Variants in FAT1 observed in about 807,000 individuals in gnomAD.
The protein encoded by FAT1 is protocadherin Fat 1.
In FAT1, 171 loss-of-function variants were observed where a neutral mutation model predicts 329.8. The ratio of observed to expected loss-of-function variants is 0.52; its 90% CI spans 0.46 to 0.59. FAT1 has a LOEUF of 0.59. FAT1 is among the 20% of genes least tolerant of loss of function. The pLI is 0.00. For synonymous variants in FAT1, 2,233 were observed against 2,228.6 expected (o/e 1.00, Z -0.06); for missense variants, 5,672 against 5,774.4 (o/e 0.98, Z 0.57).
At chr4:186,672,207 T>C (rs184179889) in intron 2 of FAT1, among the ~76,000 whole-genome samples, 46 of 152,316 alleles carry the variant, frequency 3.0e-4, no homozygotes, top group African/African-American at 8.4e-4. Flanking sequence ...TATACATATA[T>C]TAATAAATAA....
intron 3 of FAT1, among the ~76,000 whole-genome samples, chr4:186,658,834 G>A (rs554219757): frequency 2.0e-5 from 3 of 152,050 alleles, no homozygotes; most frequent in South Asian, 2.1e-4. Flanking sequence ...ACCCGTGAGG[G>A]CCCCTGCCAC....
chr4:186,635,748 A>G (rs901574675), intron 6 of FAT1, among the ~76,000 whole-genome samples: 3 of 152,244 alleles, frequency 2.0e-5, no homozygotes, highest in African/African-American at 7.2e-5. Flanking sequence ...CAAAACATTC[A>G]AGGCTTTTGT....
chr4:186,607,177 GAT>G (rs1739183498), intron 16 of FAT1, among the ~76,000 whole-genome samples: 1 of 152,176 alleles, frequency 6.6e-6, no homozygotes, highest in Admixed American at 6.5e-5. Flanking sequence ...TTTAATCTTA[GAT>G]ACACCCATTA....
chr4:186,699,492 A>G (rs1175399098), intron 2 of FAT1, among the ~76,000 whole-genome samples: 1 of 152,206 alleles, frequency 6.6e-6, no homozygotes, highest in African/African-American at 2.4e-5. Context: ...CTTGAAGTAT[A>G]TATGTGAATA....
At chr4:186,595,505 G>C (rs1247871990) in intron 26 of FAT1, among the ~76,000 whole-genome samples, 184 bp downstream of exon 26, 1 of 152,142 alleles carries the variant, frequency 6.6e-6, no homozygotes, top group African/African-American at 2.4e-5. Context: ...TATTCATTAA[G>C]AACAGTTTGG....
intron 11 of FAT1, among the ~76,000 whole-genome samples, chr4:186,616,485 G>A (rs903485924): frequency 5.9e-5 from 9 of 151,988 alleles, no homozygotes; most frequent in Admixed American, 2.0e-4. Flanking sequence ...CTGGCCCCAG[G>A]GACCACCCCT....
chr4:186,674,810 G>C (rs1316022407), intron 2 of FAT1, among the ~76,000 whole-genome samples: 2 of 152,268 alleles, frequency 1.3e-5, no homozygotes, highest in Admixed American at 1.3e-4. Context: ...GAGGTGGGTG[G>C]ATCACTTGAG....
rs1484209559 is a variant in FAT1 at position 186,611,650 on chromosome 4, G to C, written c.9589C>G (p.Leu3197Val). The change falls in exon 14 of 27, where the codon CTC becomes GTC. Residue 3197 changes from leucine (L) to valine (V), a missense_variant. By Grantham distance (32) the Leu-to-Val change is conservative. Transcript: ENST00000441802. ...LDRELQAVYTLSLKAVDQGLP... is the reference protein window; with the variant it reads ...LDRELQAVYTVSLKAVDQGLP... ...CCTTGATCCACAGCTTTCAAAGAGA[G>C]GGTGTATACTGCCTGGAGTTCTCTG... 1.9e-6 allele frequency: 3 copies of C among 1,612,764 alleles called. No individual in the cohort carries two copies. Among genetic ancestry groups the C allele is most frequent in the African/African-American group, 2.7e-5 (2 of 74,868 alleles).
At chr4:186,667,625 C>T (rs754083810) in intron 2 of FAT1, among the ~76,000 whole-genome samples, 4 of 152,146 alleles carry the variant, frequency 2.6e-5, no homozygotes, top group East Asian at 1.9e-4. Context: ...GAGAGGAGGG[C>T]ACACCGAAGA....
At chr4:186,705,002 C>T (rs561255402) in intron 2 of FAT1, among the ~76,000 whole-genome samples, 25 of 140,130 alleles carry the variant, frequency 1.8e-4, no homozygotes, top group African/African-American at 5.3e-4. Flanking sequence ...TGGAGTGCAA[C>T]GGCACAATCA....
At chr4:186,696,386 C>T (rs889510963) in intron 2 of FAT1, among the ~76,000 whole-genome samples, 1 of 152,104 alleles carries the variant, frequency 6.6e-6, no homozygotes. Context: ...ATGACAAACC[C>T]GCCTTTTTTC....
At chr4:186,681,267 C>A (rs1743194043) in intron 2 of FAT1, among the ~76,000 whole-genome samples, 4 of 151,934 alleles carry the variant, frequency 2.6e-5, no homozygotes. Flanking sequence ...ATTTATTATT[C>A]CTCTTATTTA....
intron 1 of FAT1, among the ~76,000 whole-genome samples, chr4:186,719,308 G>A (rs1745360537): frequency 6.6e-6 from 1 of 152,098 alleles, no homozygotes; most frequent in African/African-American, 2.4e-5. Flanking sequence ...CACTATATAA[G>A]AGTTCTGCAT....
chr4:186,701,092 A>AAC (rs1180703286), intron 2 of FAT1, among the ~76,000 whole-genome samples: 1 of 152,242 alleles, frequency 6.6e-6, no homozygotes, highest in Non-Finnish European at 1.5e-5. Flanking sequence ...AGACTTGTTC[A>AAC]GTCAGTAACG....
intron 5 of FAT1, 85 bp downstream of exon 5, chr4:186,636,500 G>T: frequency 7.3e-7 from 1 of 1,376,118 alleles, no homozygotes; most frequent in Non-Finnish European, 9.9e-7. Context: ...TTACAAAATA[G>T]AAATAAAGTT....
chr4:186,625,600 G>C (rs1413911875), intron 9 of FAT1, among the ~76,000 whole-genome samples: 1 of 152,130 alleles, frequency 6.6e-6, no homozygotes, highest in Non-Finnish European at 1.5e-5. Context: ...ACTTAAAAAA[G>C]AAAACAAGTT....
rs778434346 is a variant in FAT1 at position 186,600,023 on chromosome 4, G to A, written c.11978C>T (p.Pro3993Leu). 1 of 1,613,974 alleles carries A rather than the reference G, an allele frequency of 6.2e-7. No individual in the cohort carries two copies. The highest frequency in any genetic ancestry group is 2.2e-5 in the East Asian group (1 of 44,876). ...NGQELPLNSK[P>L]RSYAHIEESV... is the part of the protein sequence containing the mutation. ...CTCTTCGATGTGTGCATAGCTTCTGGGTTTGCTGTTTAAAGGGAGCTCCTG... is the reference window on the plus strand; with the variant it reads ...CTCTTCGATGTGTGCATAGCTTCTGAGTTTGCTGTTTAAAGGGAGCTCCTG... The change falls in exon 22 of 27, where the codon CCC becomes CTC. Residue 3993 changes from proline to leucine, a missense_variant. Physicochemically the swap from Pro to Leu is moderately conservative, Grantham distance 98. Coordinates refer to ENST00000441802, the MANE Select transcript of FAT1 (RefSeq NM_005245.4).
Position 186,645,417 on chromosome 4 carries a change from ATATAT to A in FAT1, c.3581-5639_3581-5635del, listed in dbSNP as rs1191477421. ...TATATATATATATATATATATATAT[ATATAT>A]GCCTGTAAAAAACTGAGATATATCC... On this transcript the variant is annotated intron_variant, in intron 3 of 26. Coordinates refer to ENST00000441802, the MANE Select transcript of FAT1 (RefSeq NM_005245.4). 2.7e-3 allele frequency among the ~76,000 whole-genome samples: 189 copies of A among 70,074 alleles called. 7 individuals are homozygous for A. Among genetic ancestry groups the A allele is most frequent in the African/African-American group, 0.011 (171 of 15,836 alleles). 46.0% of individuals were successfully genotyped at this position (70,074 alleles called of 152,430 possible). A position where few individuals can be genotyped will look rare whatever the true frequency, so the allele number is the denominator to read the frequency against.
chr4:186,589,246 A>G (rs573650468), intron 26 of FAT1, 26 bp from the exon 27 acceptor site: 1 of 1,575,044 alleles, frequency 6.3e-7, no homozygotes, highest in East Asian at 2.2e-5. Flanking sequence ...AACAGATGTC[A>G]GTGTGTTTTC....
Sources: allele counts gnomAD v4.1 joint callset (sites outside exome capture counted in the v4.1 genomes callset), GRCh38; gene constraint gnomAD v4.1.1; transcripts MANE v1.5; gene names NCBI Gene and HGNC (gene_info 2026-07-23, HGNC 2026-07-21).